TCF25: variants seen among roughly 807,000 people sequenced by gnomAD.
The protein encoded by TCF25 is TCF25 ribosome quality control complex subunit, also known as ribosome quality control complex subunit TCF25.
TCF25 carries 41 observed loss-of-function variants against 83.1 expected under a neutral mutation model. The ratio of observed to expected loss-of-function variants is 0.49; its 90% confidence interval spans 0.38 to 0.64. The LOEUF (loss-of-function observed/expected upper bound fraction) is 0.64. TCF25 is among the 30% of genes least tolerant of loss of function. The pLI is 0.00. For synonymous variants in TCF25, 458 were observed against 365.0 expected, an observed-to-expected ratio of 1.25 and a Z score of -2.90; for missense variants, 979 against 914.5, an observed-to-expected ratio of 1.07 and a Z score of -0.91.
chr16:89,903,409 G>A lies in TCF25; in HGVS notation c.1382-709G>A, dbSNP rs565299130. On this transcript the variant is annotated intron_variant, in intron 12 of 17. Transcript: ENST00000263346. ...CAACCGGCCGGGCACGGTGGCTCAC[G>A]CCTGTAATCCCAGCACTTTGGGAGG... is the stretch of plus-strand genomic sequence containing the variant. Among the ~76,000 whole-genome samples, 6 of 152,364 alleles carry A rather than the reference G, an allele frequency of 3.9e-5. No homozygotes were observed. In the South Asian group the frequency reaches 8.3e-4, roughly 21 times the overall value.
chr16:89,887,478 A>G (rs1316184258), intron 4 of TCF25, among the ~76,000 whole-genome samples, 174 bp from the exon 5 acceptor site: 1 of 152,218 alleles, frequency 6.6e-6, no homozygotes, highest in East Asian at 1.9e-4. Flanking sequence ...TGGTGCCCGC[A>G]GTGGCGAGGC....
At chr16:89,886,639 G>A (rs1474864562) in intron 4 of TCF25, among the ~76,000 whole-genome samples, 2 of 151,196 alleles carry the variant, frequency 1.3e-5, no homozygotes, top group Non-Finnish European at 2.9e-5. Flanking sequence ...GCGCATGCCT[G>A]TAATCCCAGC....
At chr16:89,911,056 C>T in intron 17 of TCF25, 24 bp from the exon 18 acceptor site, 2 of 1,609,432 alleles carry the variant, frequency 1.2e-6, no homozygotes, top group Admixed American at 1.7e-5. Flanking sequence ...CAGCCCCCTT[C>T]TCAGACATGT....
chr16:89,897,786 C>T (rs58257197), intron 9 of TCF25, among the ~76,000 whole-genome samples: 2,381 of 151,992 alleles, frequency 0.016, 71 homozygotes, highest in African/African-American at 0.055. Context: ...TTTTAACTCT[C>T]TTCCTGTAAA....
At chr16:89,878,850 C>G (rs1597260024) in intron 1 of TCF25, among the ~76,000 whole-genome samples, 1 of 152,160 alleles carries the variant, frequency 6.6e-6, no homozygotes, top group African/African-American at 2.4e-5. Context: ...ACCGTGTTAG[C>G]GAGGATGGTC....
At chr16:89,874,811 G>A (rs572776378) in intron 1 of TCF25, 5 of 150,506 alleles carry the variant, frequency 3.3e-5, no homozygotes, top group East Asian at 3.9e-4. Flanking sequence ...AAGAGTTTTC[G>A]CCTTGTTGCC....
At chr16:89,884,464 A>C in intron 2 of TCF25, 118 bp from the exon 3 acceptor site, 1 of 987,328 alleles carries the variant, frequency 1.0e-6, no homozygotes, top group Non-Finnish European at 1.5e-6. Context: ...AACTTTTGGG[A>C]CACGGAGGGA....
intron 1 of TCF25, among the ~76,000 whole-genome samples, chr16:89,882,124 C>G (rs986666888): frequency 1.3e-5 from 2 of 152,196 alleles, no homozygotes; most frequent in African/African-American, 4.8e-5. Context: ...TGTCTCCCCT[C>G]CAATCTGTAT....
At chr16:89,881,903 C>T (rs764636841) in intron 1 of TCF25, among the ~76,000 whole-genome samples, 5 of 152,036 alleles carry the variant, frequency 3.3e-5, no homozygotes, top group African/African-American at 9.7e-5. Context: ...TACAGGCACG[C>T]GCCACTGCAC....
chr16:89,896,234 T>A, intron 9 of TCF25, 151 bp downstream of exon 9: 1 of 655,296 alleles, frequency 1.5e-6, no homozygotes, highest in Non-Finnish European at 2.6e-6. Flanking sequence ...TCTCTGGGCT[T>A]AAGGATAGAG....
chr16:89,910,711 T>C (rs1401354335), intron 17 of TCF25, 48 bp downstream of exon 17: 1 of 1,590,488 alleles, frequency 6.3e-7, no homozygotes, highest in Non-Finnish European at 8.6e-7. Context: ...GGTGCGGGCA[T>C]ATCCATTCCA....
At position 89,885,985 on chromosome 16, in the gene TCF25, T is replaced by C; in HGVS notation, c.548+19T>C. Reference sequence around the variant, plus strand: ...AGCACAGGTGTGGCCCCCGCCCTTCTCTGCGGCTGCCCTTCTCTGCGGCTG... The same window carrying C: ...AGCACAGGTGTGGCCCCCGCCCTTCCCTGCGGCTGCCCTTCTCTGCGGCTG... On this transcript the variant is annotated intron_variant, in intron 4 of 17. Coordinates refer to ENST00000263346, the MANE Select transcript of TCF25 (RefSeq NM_014972.3). The C allele has an allele frequency of 6.3e-7, 1 of 1,599,198 alleles. No homozygotes were observed. Among genetic ancestry groups the C allele is most frequent in the Non-Finnish European group, 8.5e-7 (1 of 1,171,194 alleles).
chr16:89,895,151 CCCA>C lies in TCF25; in HGVS notation c.928+17_928+19del. 1 of 1,609,398 alleles carries C rather than the reference CCCA, an allele frequency of 6.2e-7. No homozygotes were observed. On this transcript the variant is annotated intron_variant, in intron 8 of 17. Coordinates refer to ENST00000263346, the MANE Select transcript of TCF25 (RefSeq NM_014972.3). ...GAGACCTCGTAGGTAAGGCAGAGCCCCCACCCCATTCCCCTCAGCTGTGGGAGC... is the reference window on the plus strand; with the variant it reads ...GAGACCTCGTAGGTAAGGCAGAGCCCCCCCATTCCCCTCAGCTGTGGGAGC...
At chr16:89,881,672 T>TGGGCTCAGATGATCCTCC (rs1322196379) in intron 1 of TCF25, among the ~76,000 whole-genome samples, 1 of 152,144 alleles carries the variant, frequency 6.6e-6, no homozygotes, top group Non-Finnish European at 1.5e-5. Flanking sequence ...TTCAAGCTCC[T>TGGGCTCAGATGATCCTCC]GGGCTCAGAT....
intron 3 of TCF25, 105 bp from the exon 4 acceptor site, chr16:89,885,743 A>T (rs1280045559): frequency 3.2e-6 from 3 of 927,754 alleles, no homozygotes; most frequent in African/African-American, 3.3e-5. Flanking sequence ...TTTAGGAAGT[A>T]AATACAGTGT....
Position 89,897,381 on chromosome 16 carries a change from T to C in TCF25, c.1023-1176T>C, listed in dbSNP as rs535962525. On this transcript the variant is annotated intron_variant, in intron 9 of 17. Transcript: ENST00000263346. ...GCCCTTTGTGGAGCAGACCAGCTTC[T>C]GTCCGCTGTCCTGCCTCTCCTGTGT... Among the ~76,000 whole-genome samples, 92 of 152,376 alleles carry C rather than the reference T, an allele frequency of 6.0e-4. 1 individual carries two copies. In the Middle Eastern group the frequency reaches 0.014, roughly 23 times the overall value.
chr16:89,879,058 T>G (rs2042397508), intron 1 of TCF25, among the ~76,000 whole-genome samples: 1 of 152,260 alleles, frequency 6.6e-6, no homozygotes, highest in Non-Finnish European at 1.5e-5. Flanking sequence ...AAACTAGGCC[T>G]GTCACCCGTG....
intron 4 of TCF25, among the ~76,000 whole-genome samples, chr16:89,887,448 C>T (rs1418336321): frequency 6.6e-6 from 1 of 152,222 alleles, no homozygotes; most frequent in Non-Finnish European, 1.5e-5. Flanking sequence ...CCTCACGGCA[C>T]AGTGACGGCA....
chr16:89,894,347 CT>C (rs2043666410), intron 7 of TCF25, among the ~76,000 whole-genome samples: 4 of 138,800 alleles, frequency 2.9e-5, no homozygotes, highest in African/African-American at 1.3e-4. Context: ...CCCTGGACAG[CT>C]CCCCTTGCAG....
Sources: allele counts gnomAD v4.1 joint callset (sites outside exome capture counted in the v4.1 genomes callset), GRCh38; gene constraint gnomAD v4.1.1; transcripts MANE v1.5; gene names NCBI Gene and HGNC (gene_info 2026-07-23, HGNC 2026-07-21).